KBTBD2: variants seen among roughly 807,000 people sequenced by gnomAD.
KBTBD2 encodes the protein kelch repeat and BTB domain containing 2.
In KBTBD2, 17 loss-of-function variants were observed where a neutral mutation model predicts 57.1. The ratio of observed to expected loss-of-function variants is 0.30; its 90% CI spans 0.20 to 0.45. The LOEUF is 0.45. KBTBD2 is among the 20% of genes least tolerant of loss of function. KBTBD2 has a pLI of 1.00. For missense variants in KBTBD2, 515 were observed against 750.6 expected (o/e 0.69, Z 3.67); for synonymous variants, 267 against 262.7 (o/e 1.02, Z -0.16).
At chr7:32,875,679 C>T (rs1784295910) in intron 2 of KBTBD2, among the ~76,000 whole-genome samples, 1 of 152,134 alleles carries the variant, frequency 6.6e-6, no homozygotes, top group South Asian at 2.1e-4. Context: ...CTATTCACTT[C>T]TTATATTCAT....
intron 2 of KBTBD2, among the ~76,000 whole-genome samples, chr7:32,878,596 AAAAAC>A (rs987324329): frequency 1.3e-5 from 2 of 148,836 alleles, no homozygotes; most frequent in African/African-American, 2.5e-5. Flanking sequence ...AAAAAAAAAC[AAAAAC>A]AAAACAAAAC....
rs140711525 is a variant in KBTBD2 at position 32,869,934 on chromosome 7, T to C, written c.1283A>G (p.His428Arg). The C allele has an allele frequency of 8.7e-6, 14 of 1,613,952 alleles. No individual in the cohort carries two copies. Among genetic ancestry groups the C allele is most frequent in the Non-Finnish European group, 1.1e-5 (13 of 1,180,028 alleles). Residue 428 changes from histidine (H) to arginine (R), a missense_variant, in exon 4 of 4, where the codon CAT becomes CGT. By Grantham distance (29) the His-to-Arg change is conservative. Transcript: ENST00000304056. ...CAGTGTCATCACATAAATGCAGTCA[T>C]GAACCACAACTGCTGCACTCCATTG... Reference protein sequence around the residue: ...AWQWSAAVVVHDCIYVMTLNL... With the variant: ...AWQWSAAVVVRDCIYVMTLNL...
At chr7:32,883,812 A>G (rs1021880954) in intron 1 of KBTBD2, among the ~76,000 whole-genome samples, 11 of 152,246 alleles carry the variant, frequency 7.2e-5, no homozygotes, top group African/African-American at 2.7e-4. Flanking sequence ...CAGAGAAGCC[A>G]AACACTAAAG....
At chr7:32,874,147 C>A (rs1274039353) in intron 3 of KBTBD2, among the ~76,000 whole-genome samples, 5 of 152,040 alleles carry the variant, frequency 3.3e-5, no homozygotes, top group African/African-American at 4.8e-5. Context: ...TGCCTGTAAT[C>A]CCAGCACTTT....
At chr7:32,877,080 G>A (rs1784331651) in intron 2 of KBTBD2, among the ~76,000 whole-genome samples, 1 of 152,010 alleles carries the variant, frequency 6.6e-6, no homozygotes, top group African/African-American at 2.4e-5. Context: ...GTGCAGTGGT[G>A]GTATCTCAGT....
rs999297298 is a variant in KBTBD2, at chr7:32,868,343, G to A, written c.*1002C>T. Reference sequence around the variant, plus strand: ...TGGGATTAATGCCAGAGCAGCGCTAGTTATCTGCTCTTCTGCACAGCTAGT... The same window carrying A: ...TGGGATTAATGCCAGAGCAGCGCTAATTATCTGCTCTTCTGCACAGCTAGT... On this transcript the variant is annotated 3_prime_UTR_variant, in exon 4 of 4. Coordinates refer to ENST00000304056, the MANE Select transcript of KBTBD2 (RefSeq NM_015483.3). 4 of 152,532 alleles carry A rather than the reference G, an allele frequency of 2.6e-5. No individual in the cohort carries two copies. Among genetic ancestry groups the A allele is most frequent in the Admixed American group, 1.3e-4 (2 of 15,256 alleles). The allele number at this position is 152,532 out of a possible 1,614,324, so 9.4% of individuals were successfully genotyped here. A position where few individuals can be genotyped will look rare whatever the true frequency, so the allele number is the denominator to read the frequency against.
Position 32,886,070 on chromosome 7 carries a change from G to A in KBTBD2, c.-339+5466C>T, listed in dbSNP as rs1381700394. ...ATTACAGGCACGCACCACCATGTCC[G>A]GCTAATTTTTCACATTTTTAGTAGA... On this transcript the variant is annotated intron_variant, in intron 1 of 3. Transcript: ENST00000304056. Among the ~76,000 whole-genome samples, 6 of 152,032 alleles carry A rather than the reference G, an allele frequency of 3.9e-5. No homozygotes were observed. The East Asian group carries it at 7.7e-4, about 20-fold the overall frequency.
chr7:32,884,363 A>AGAG (rs879499366), intron 1 of KBTBD2, among the ~76,000 whole-genome samples: 2 of 148,306 alleles, frequency 1.3e-5, no homozygotes, highest in African/African-American at 2.5e-5. Flanking sequence ...GGGCAACAGC[A>AGAG]AGATTCTGCC....
chr7:32,884,611 A>G (rs1583788950), intron 1 of KBTBD2, among the ~76,000 whole-genome samples: 1 of 146,386 alleles, frequency 6.8e-6, no homozygotes, highest in Non-Finnish European at 1.5e-5. Context: ...AATGGCTTGA[A>G]CCCAGGAGGA....
intron 1 of KBTBD2, among the ~76,000 whole-genome samples, chr7:32,881,236 T>G (rs1438467879): frequency 6.6e-6 from 1 of 151,848 alleles, no homozygotes; most frequent in Non-Finnish European, 1.5e-5. Context: ...GCTTTAGTCA[T>G]ACTGCATACC....
At position 32,875,174 on chromosome 7, in the gene KBTBD2, G is replaced by T; in HGVS notation, c.171-17C>A. The T allele has an allele frequency of 6.2e-7, 1 of 1,609,806 alleles. No homozygotes were observed. The highest frequency in any genetic ancestry group is 8.5e-7 in the Non-Finnish European group (1 of 1,177,868). ...AACATGGCCCTACAGGGGAGATGAAGAAAACAAAGTTGTAAGGGTTTTGTG... is the reference window on the plus strand; with the variant it reads ...AACATGGCCCTACAGGGGAGATGAATAAAACAAAGTTGTAAGGGTTTTGTG... On this transcript the variant is annotated splice_polypyrimidine_tract_variant and intron_variant, in intron 2 of 3. Transcript: ENST00000304056.
intron 1 of KBTBD2, among the ~76,000 whole-genome samples, chr7:32,882,264 C>T (rs7793375): frequency 0.015 from 2,250 of 152,222 alleles, 58 homozygotes; most frequent in African/African-American, 0.051. Flanking sequence ...TGTCCCCATC[C>T]ATGTTTAAAC....
intron 1 of KBTBD2, among the ~76,000 whole-genome samples, chr7:32,890,810 G>C (rs1583798099): frequency 6.6e-6 from 1 of 152,262 alleles, no homozygotes; most frequent in East Asian, 1.9e-4. Flanking sequence ...TTTTGAGGCA[G>C]GTAGAGTTCT....
At chr7:32,881,967 G>C (rs918370398) in intron 1 of KBTBD2, among the ~76,000 whole-genome samples, 1 of 152,130 alleles carries the variant, frequency 6.6e-6, no homozygotes, top group East Asian at 1.9e-4. Flanking sequence ...GGTAGCAATG[G>C]ATAATCAAAC....
intron 2 of KBTBD2, among the ~76,000 whole-genome samples, chr7:32,877,524 G>A (rs1242060640): frequency 6.6e-6 from 1 of 152,172 alleles, no homozygotes; most frequent in African/African-American, 2.4e-5. Flanking sequence ...AAGGAAGAAT[G>A]TATTTAGTTC....
chr7:32,876,146 A>T (rs985107693), intron 2 of KBTBD2, among the ~76,000 whole-genome samples: 6 of 152,232 alleles, frequency 3.9e-5, no homozygotes, highest in Admixed American at 3.9e-4. Flanking sequence ...GGCAACTGGC[A>T]TCATGGAGAA....
At chr7:32,880,371 G>A (rs1431585393) in intron 1 of KBTBD2, among the ~76,000 whole-genome samples, 3 of 151,774 alleles carry the variant, frequency 2.0e-5, no homozygotes, top group Non-Finnish European at 4.4e-5. Context: ...CTCGTTCTCC[G>A]AATATATTTT....
At chr7:32,873,529 T>C (rs1404791303) in intron 3 of KBTBD2, among the ~76,000 whole-genome samples, 3 of 151,600 alleles carry the variant, frequency 2.0e-5, no homozygotes, top group Non-Finnish European at 4.4e-5. Flanking sequence ...ATGGCAGGAG[T>C]TCCAGACCGG....
intron 3 of KBTBD2, among the ~76,000 whole-genome samples, chr7:32,873,231 A>T (rs1784225665): frequency 6.6e-6 from 1 of 152,168 alleles, no homozygotes; most frequent in South Asian, 2.1e-4. Context: ...AGTTTGTCAT[A>T]CATAAATATA....
Sources: gnomAD v4.1 joint callset for allele counts (sites outside exome capture counted in the v4.1 genomes callset) on GRCh38, gnomAD v4.1.1 for gene constraint, MANE v1.5 for transcripts, NCBI Gene and HGNC (gene_info 2026-07-23, HGNC 2026-07-21) for gene names.